Variants in GNAT3 observed in about 807,000 individuals in gnomAD.
GNAT3 encodes the protein G protein subunit alpha transducin 3, also known as guanine nucleotide-binding protein G(t) subunit alpha-3.
In GNAT3, 31 loss-of-function variants were observed where a neutral mutation model predicts 37.7. The ratio of observed to expected loss-of-function variants is 0.82; its 90% CI spans 0.62 to 1.11. The LOEUF (loss-of-function observed/expected upper bound fraction) is 1.11, where lower values mean the gene tolerates loss of function less well. GNAT3 is among the 50% of genes most tolerant of loss of function. The pLI, the probability that GNAT3 is intolerant of heterozygous loss-of-function variation, is 0.00. For missense variants in GNAT3, 437 were observed against 412.5 expected (o/e 1.06, Z -0.51); for synonymous variants, 138 against 139.8 (o/e 0.99, Z 0.09).
At chr7:80,476,932 A>G (rs1355315671) in intron 4 of GNAT3, among the ~76,000 whole-genome samples, 3 of 152,044 alleles carry the variant, frequency 2.0e-5, no homozygotes, top group East Asian at 1.9e-4. Context: ...AGGGAAAATG[A>G]GCTTTTCTGT....
At position 80,511,890 on chromosome 7, in the gene GNAT3, C is replaced by T. The variant is rs1464675807; in HGVS notation, c.37G>A (p.Ala13Thr). Residue 13 changes from alanine (A) to threonine (T), a missense_variant, in exon 1 of 8, where the codon GCC becomes ACC. Ala to Thr is a moderately conservative substitution (Grantham distance 58). Transcript: ENST00000398291. ...SGISSESKES[A>T]KRSKELEKKL... ...TTCTCCAGTTCTTTTGATCTTTTGGCTGACTCCTTGCTCTCTGAACTAATT... is the reference window on the plus strand; with the variant it reads ...TTCTCCAGTTCTTTTGATCTTTTGGTTGACTCCTTGCTCTCTGAACTAATT... The T allele has an allele frequency of 5.6e-6, 9 of 1,611,888 alleles. No homozygotes were observed. In the East Asian group the frequency reaches 2.0e-4, roughly 36 times the overall value.
chr7:80,471,608 G>A (rs906887863), intron 5 of GNAT3, among the ~76,000 whole-genome samples: 5 of 151,842 alleles, frequency 3.3e-5, no homozygotes, highest in African/African-American at 4.8e-5. Flanking sequence ...CCTCCCTCCC[G>A]CCTTCTCTCT....
intron 1 of GNAT3, among the ~76,000 whole-genome samples, chr7:80,502,239 C>A (rs1432806817): frequency 6.6e-6 from 1 of 152,024 alleles, no homozygotes; most frequent in Non-Finnish European, 1.5e-5. Context: ...CCAAGCTCAT[C>A]AAGTGGCATA....
chr7:80,461,995 GTTC>G (rs1481152593), intron 7 of GNAT3, among the ~76,000 whole-genome samples, 161 bp downstream of exon 7: 1 of 151,966 alleles, frequency 6.6e-6, no homozygotes, highest in Non-Finnish European at 1.5e-5. Flanking sequence ...TGTAGAGAGG[GTTC>G]TTCTTTATTT....
At chr7:80,493,392 T>A (rs73369057) in intron 2 of GNAT3, among the ~76,000 whole-genome samples, 3 of 152,136 alleles carry the variant, frequency 2.0e-5, no homozygotes, top group Non-Finnish European at 4.4e-5. Context: ...AGGTGTTTGG[T>A]TGCAGATAAG....
intron 7 of GNAT3, among the ~76,000 whole-genome samples, 187 bp downstream of exon 7, chr7:80,461,972 T>C (rs530581554): frequency 6.6e-6 from 1 of 152,318 alleles, no homozygotes; most frequent in Admixed American, 6.5e-5. Flanking sequence ...GGGTTTTGCT[T>C]TAATGTACAC....
intron 4 of GNAT3, among the ~76,000 whole-genome samples, chr7:80,475,066 C>T (rs141984838): frequency 2.2e-4 from 33 of 152,100 alleles, no homozygotes; most frequent in African/African-American, 7.5e-4. Flanking sequence ...TTTGCAAACC[C>T]ACCCTGACCT....
At chr7:80,469,922 C>A (rs1790181591) in intron 5 of GNAT3, among the ~76,000 whole-genome samples, 1 of 152,066 alleles carries the variant, frequency 6.6e-6, no homozygotes, top group Admixed American at 6.6e-5. Context: ...TCTAACTAAA[C>A]TTAAAACTGT....
intron 5 of GNAT3, among the ~76,000 whole-genome samples, chr7:80,470,209 A>G (rs1790187443): frequency 6.6e-6 from 1 of 152,044 alleles, no homozygotes; most frequent in African/African-American, 2.4e-5. Flanking sequence ...TGCACAGTAA[A>G]GAGAATGTTC....
chr7:80,494,725 A>G, intron 1 of GNAT3, 78 bp from the exon 2 acceptor site: 1 of 844,014 alleles, frequency 1.2e-6, no homozygotes, highest in East Asian at 2.7e-5. Context: ...CTTTTCATGG[A>G]TAATCTTTAA....
At chr7:80,490,716 A>G (rs1233348228) in intron 2 of GNAT3, among the ~76,000 whole-genome samples, 3 of 152,198 alleles carry the variant, frequency 2.0e-5, no homozygotes, top group Admixed American at 1.3e-4. Flanking sequence ...AAGTAGATAC[A>G]ATTATGATCT....
chr7:80,486,873 G>T (rs908271587), intron 3 of GNAT3, among the ~76,000 whole-genome samples: 10 of 152,054 alleles, frequency 6.6e-5, no homozygotes, highest in Non-Finnish European at 1.3e-4. Context: ...AGGCAAGATT[G>T]TGATTTCCAA....
intron 1 of GNAT3, among the ~76,000 whole-genome samples, chr7:80,501,629 C>T (rs1189208683): frequency 6.6e-6 from 1 of 151,690 alleles, no homozygotes; most frequent in African/African-American, 2.4e-5. Context: ...GCTTTTTAAG[C>T]TCTTTTAATT....
At chr7:80,489,798 G>A (rs1790557647) in intron 2 of GNAT3, among the ~76,000 whole-genome samples, 1 of 152,014 alleles carries the variant, frequency 6.6e-6, no homozygotes, top group Non-Finnish European at 1.5e-5. Flanking sequence ...GATAGATCAA[G>A]AATAAGTTTA....
At chr7:80,466,791 G>T (rs989277068) in intron 5 of GNAT3, among the ~76,000 whole-genome samples, 8 of 152,124 alleles carry the variant, frequency 5.3e-5, no homozygotes, top group African/African-American at 1.4e-4. Flanking sequence ...GTCTTAATTT[G>T]CTCTGATGAG....
At chr7:80,500,529 C>T (rs1790813447) in intron 1 of GNAT3, among the ~76,000 whole-genome samples, 1 of 152,056 alleles carries the variant, frequency 6.6e-6, no homozygotes, top group South Asian at 2.1e-4. Flanking sequence ...AAGAGAAGGT[C>T]AAGGGCAGGA....
At chr7:80,502,321 T>C (rs1790848566) in intron 1 of GNAT3, among the ~76,000 whole-genome samples, 1 of 152,092 alleles carries the variant, frequency 6.6e-6, no homozygotes, top group Admixed American at 6.5e-5. Context: ...ATATGAGCTT[T>C]CTTGGATTGT....
At chr7:80,461,329 C>T (rs1790046474) in intron 7 of GNAT3, among the ~76,000 whole-genome samples, 1 of 151,952 alleles carries the variant, frequency 6.6e-6, no homozygotes, top group Non-Finnish European at 1.5e-5. Context: ...GGACAGATCA[C>T]CTGAGGTCAA....
At chr7:80,495,530 C>T (rs1236607120) in intron 1 of GNAT3, among the ~76,000 whole-genome samples, 4 of 151,642 alleles carry the variant, frequency 2.6e-5, no homozygotes, top group South Asian at 2.1e-4. Context: ...AGTGCAGTGG[C>T]GTGATCTCAG....
Sources: allele counts gnomAD v4.1 joint callset (sites outside exome capture counted in the v4.1 genomes callset), GRCh38; gene constraint gnomAD v4.1.1; transcripts MANE v1.5; gene names NCBI Gene and HGNC (gene_info 2026-07-23, HGNC 2026-07-21).